SPAG9: variants seen among roughly 807,000 people sequenced by gnomAD.
SPAG9 encodes the protein sperm associated antigen 9.
SPAG9 carries 35 observed loss-of-function variants against 166.5 expected under a neutral mutation model. The observed-to-expected ratio is 0.21, with a 90% CI of 0.16 to 0.28. The LOEUF is 0.28. SPAG9 is among the 10% of genes least tolerant of loss of function. The pLI is 1.00. For synonymous variants in SPAG9, 534 were observed against 565.5 expected, an observed-to-expected ratio of 0.94 and a Z score of 0.79; for missense variants, 1,235 against 1,603.3, an observed-to-expected ratio of 0.77 and a Z score of 3.92.
intron 6 of SPAG9, among the ~76,000 whole-genome samples, chr17:51,029,023 A>G (rs549679452): frequency 6.6e-6 from 1 of 152,124 alleles, no homozygotes; most frequent in African/African-American, 2.4e-5. Flanking sequence ...TCTTTCTAAC[A>G]TATTTATTTT....
intron 6 of SPAG9, among the ~76,000 whole-genome samples, chr17:51,028,266 A>T (rs1483567556): frequency 1.3e-5 from 2 of 152,142 alleles, no homozygotes; most frequent in East Asian, 3.8e-4. Context: ...TGAAGAAAAA[A>T]ATTAAATAAA....
chr17:51,117,474 G>A (rs151107484), intron 1 of SPAG9, among the ~76,000 whole-genome samples: 236 of 152,220 alleles, frequency 1.6e-3, no homozygotes, highest in African/African-American at 5.5e-3. Flanking sequence ...CACTTTGGGA[G>A]GCTGAGGCGG....
At chr17:51,053,063 G>C (rs1568043657) in intron 3 of SPAG9, among the ~76,000 whole-genome samples, 1 of 151,430 alleles carries the variant, frequency 6.6e-6, no homozygotes, top group Non-Finnish European at 1.5e-5. Flanking sequence ...ACAAAAAAAA[G>C]TATGTATTTT....
rs145371142 is a variant in SPAG9, at chr17:51,013,709, C to A, written c.1213+523G>T. ...AGCCAAATGCAATATTCTTTTCAGACCATGTATTCTTCTAGAACACAAACT... is the reference window on the plus strand; with the variant it reads ...AGCCAAATGCAATATTCTTTTCAGAACATGTATTCTTCTAGAACACAAACT... On this transcript the variant is annotated intron_variant, in intron 9 of 29. Transcript: ENST00000262013. 1.5e-3 allele frequency among the ~76,000 whole-genome samples: 233 copies of A among 152,220 alleles called. 1 individual carries two copies. Among genetic ancestry groups the A allele is most frequent in the African/African-American group, 5.3e-3 (218 of 41,518 alleles).
At chr17:50,975,227 T>TA (rs752023786) in intron 27 of SPAG9, 3,084 of 284,310 alleles carry the variant, frequency 0.011, 1 homozygote, top group Middle Eastern at 0.016. Flanking sequence ...TAATTTTAGT[T>TA]AAAAAAAAAA....
At chr17:51,013,919 TAC>T (rs1567998693) in intron 9 of SPAG9, among the ~76,000 whole-genome samples, 2 of 135,706 alleles carry the variant, frequency 1.5e-5, no homozygotes, top group African/African-American at 6.4e-5. Flanking sequence ...CACACACACA[TAC>T]ACACACACAC....
Position 51,031,584 on chromosome 17 carries a change from G to A in SPAG9, c.783+97C>T, listed in dbSNP as rs1195112513. The A allele has an allele frequency of 1.7e-5, 15 of 869,608 alleles. No individual in the cohort carries two copies. The Admixed American group carries it at 2.7e-4, about 15-fold the overall frequency. 53.9% of individuals were successfully genotyped at this position (869,608 alleles called of 1,614,324 possible). On this transcript the variant is annotated intron_variant, in intron 6 of 29. Coordinates refer to ENST00000262013, the MANE Select transcript of SPAG9 (RefSeq NM_001130528.3). ...AATTACAACAATAGTCTTCCAAGCT[G>A]AGCATCTGATGTCTTGAGAATAGCA...
At chr17:50,990,352 T>G in intron 20 of SPAG9, 98 bp downstream of exon 20, 2 of 953,606 alleles carry the variant, frequency 2.1e-6, no homozygotes, top group Non-Finnish European at 3.3e-6. Flanking sequence ...TCAAGTTCTT[T>G]CAACCTTGTT....
chr17:51,065,169 G>A (rs2047626829), intron 2 of SPAG9, among the ~76,000 whole-genome samples: 1 of 152,034 alleles, frequency 6.6e-6, no homozygotes, highest in Non-Finnish European at 1.5e-5. Context: ...TGGATTTTAT[G>A]ATATGTGAAT....
intron 3 of SPAG9, among the ~76,000 whole-genome samples, chr17:51,055,077 C>G (rs1429296402): frequency 6.6e-6 from 1 of 152,144 alleles, no homozygotes; most frequent in Non-Finnish European, 1.5e-5. Context: ...TCCAGGCACA[C>G]TGGCTCACAC....
At chr17:51,033,453 T>C (rs2046464929) in intron 5 of SPAG9, among the ~76,000 whole-genome samples, 1 of 152,158 alleles carries the variant, frequency 6.6e-6, no homozygotes, top group South Asian at 2.1e-4. Context: ...AAATGAAATT[T>C]AGGGTTGAAG....
At chr17:50,990,219 A>G (rs1393247215) in intron 20 of SPAG9, 4 of 533,362 alleles carry the variant, frequency 7.5e-6, no homozygotes, top group Non-Finnish European at 1.3e-5. Context: ...TAGTACAGAC[A>G]GGGTTTCACT....
chr17:51,109,935 C>T (rs547446989), intron 1 of SPAG9, among the ~76,000 whole-genome samples: 1 of 151,906 alleles, frequency 6.6e-6, no homozygotes, highest in South Asian at 2.1e-4. Flanking sequence ...TGATCTTCAA[C>T]TCATGAGCTC....
chr17:50,996,360 C>A (rs371721966), intron 16 of SPAG9: 10 of 571,162 alleles, frequency 1.8e-5, no homozygotes, highest in Admixed American at 6.6e-5. Flanking sequence ...TCCTCCCCCC[C>A]TCACAGACTC....
At position 50,996,656 on chromosome 17, in the gene SPAG9, C is replaced by T. The variant is rs1445469444; in HGVS notation, c.1877G>A (p.Arg626Lys). The stretch of plus-strand genomic sequence containing the variant: ...TGCTTTTACCTGACGATACTGCTCT[C>T]TCTTTTGTTCTCTGCGTGAGGCTAA... ...ASLASRREQKREQYRQVKAHV... is the reference protein window; with the variant it reads ...ASLASRREQKKEQYRQVKAHV... Residue 626 changes from arginine to lysine, a missense_variant, in exon 16 of 30, where the codon AGA (arginine) becomes AAA (lysine). This residue lies in a region of SPAG9 where 493 missense variants were observed against 559.4 expected (regional missense o/e 0.88). Transcript: ENST00000262013. 1.2e-6 allele frequency: 2 copies of T among 1,614,184 alleles called. No homozygotes were observed. Among genetic ancestry groups the T allele is most frequent in the East Asian group, 4.5e-5 (2 of 44,886 alleles).
intron 12 of SPAG9, among the ~76,000 whole-genome samples, chr17:51,004,089 A>C (rs1254916993): frequency 6.6e-6 from 1 of 152,384 alleles, no homozygotes; most frequent in African/African-American, 2.4e-5. Context: ...CTGGTCTCCA[A>C]GACTAAATGT....
intron 1 of SPAG9, among the ~76,000 whole-genome samples, chr17:51,115,368 T>C (rs1367343209): frequency 6.6e-6 from 1 of 151,666 alleles, no homozygotes; most frequent in Non-Finnish European, 1.5e-5. Flanking sequence ...TTTTTTATGG[T>C]TTTTGGGGAA....
chr17:50,967,121 C>G (rs897139541), intron 29 of SPAG9, among the ~76,000 whole-genome samples: 1 of 152,192 alleles, frequency 6.6e-6, no homozygotes. Context: ...CTGGGGTACA[C>G]CACACTCCTC....
At chr17:51,008,999 A>G (rs1054329543) in intron 9 of SPAG9, 10 of 349,152 alleles carry the variant, frequency 2.9e-5, no homozygotes, top group African/African-American at 1.5e-4. Flanking sequence ...TAAGCGTGGA[A>G]GCTGAAAATA....
Sources: gnomAD v4.1 joint callset for allele counts (sites outside exome capture counted in the v4.1 genomes callset) on GRCh38, gnomAD v4.1.1 for gene constraint, gnomAD v4.1.1 regional missense constraint, MANE v1.5 for transcripts, NCBI Gene and HGNC (gene_info 2026-07-23, HGNC 2026-07-21) for gene names.